Variants in PCSK5 observed in about 807,000 individuals in gnomAD.
PCSK5 encodes prohormone convertase 5.
A neutral mutation model predicts 233.2 loss-of-function variants in PCSK5; 129 were observed. The ratio of observed to expected loss-of-function variants is 0.55; its 90% CI spans 0.48 to 0.64. PCSK5 has a LOEUF of 0.64. PCSK5 is among the 30% of genes least tolerant of loss of function. The pLI, the probability that PCSK5 is intolerant of heterozygous loss-of-function variation, is 0.00. For synonymous variants in PCSK5, 825 were observed against 879.2 expected (o/e 0.94, Z 1.09); for missense variants, 2,076 against 2,430.1 (o/e 0.85, Z 3.06).
At chr9:76,275,935 A>G (rs1827676004) in intron 24 of PCSK5, among the ~76,000 whole-genome samples, 1 of 152,168 alleles carries the variant, frequency 6.6e-6, no homozygotes. Context: ...TTTCTCATCT[A>G]TACTCGTTAC....
chr9:76,263,067 A>T (rs1196779125), intron 24 of PCSK5, among the ~76,000 whole-genome samples: 1 of 152,106 alleles, frequency 6.6e-6, no homozygotes, highest in Non-Finnish European at 1.5e-5. Context: ...GCAAATCAAA[A>T]CCACAATGAG....
intron 9 of PCSK5, among the ~76,000 whole-genome samples, chr9:76,126,034 A>AT: frequency 6.6e-6 from 1 of 152,302 alleles, no homozygotes. Flanking sequence ...GCATCCCAAG[A>AT]TATATAATAG....
intron 20 of PCSK5, among the ~76,000 whole-genome samples, chr9:76,192,023 G>A (rs114043427): frequency 0.012 from 1,634 of 136,778 alleles, 26 homozygotes; most frequent in African/African-American, 0.042. Context: ...AGGTTGCAGA[G>A]AGCAGAGATC....
chr9:76,339,371 T>C (rs898540426), intron 35 of PCSK5, among the ~76,000 whole-genome samples: 5 of 152,182 alleles, frequency 3.3e-5, no homozygotes, highest in African/African-American at 9.6e-5. Flanking sequence ...GTTTAATTTT[T>C]TAAAAATCTT....
At chr9:76,184,811 T>A in intron 17 of PCSK5, 54 bp downstream of exon 17, 1 of 1,059,208 alleles carries the variant, frequency 9.4e-7, no homozygotes, top group Non-Finnish European at 1.4e-6. Flanking sequence ...CTTCTCAATG[T>A]AAATAAAATG....
intron 1 of PCSK5, among the ~76,000 whole-genome samples, chr9:75,895,252 C>A (rs192790591): frequency 6.6e-6 from 1 of 152,284 alleles, no homozygotes; most frequent in African/African-American, 2.4e-5. Context: ...GCCTCTGTTC[C>A]TTCATCTGTA....
At chr9:75,957,728 C>CT (rs1460108120) in intron 2 of PCSK5, among the ~76,000 whole-genome samples, 2 of 152,136 alleles carry the variant, frequency 1.3e-5, no homozygotes, top group African/African-American at 4.8e-5. Flanking sequence ...TGTTACACAT[C>CT]TCATTTTTAA....
chr9:76,213,541 C>T (rs555143484), intron 20 of PCSK5, among the ~76,000 whole-genome samples: 2 of 152,214 alleles, frequency 1.3e-5, no homozygotes, highest in African/African-American at 4.8e-5. Context: ...CTCCCTCACC[C>T]TGGCTTACTG....
intron 3 of PCSK5, among the ~76,000 whole-genome samples, chr9:76,007,399 C>G (rs893724578): frequency 6.6e-6 from 1 of 152,060 alleles, no homozygotes. Context: ...GTCTACTAGT[C>G]TCCATTCATT....
At chr9:76,191,156 A>G (rs1355716631) in intron 20 of PCSK5, among the ~76,000 whole-genome samples, 3 of 152,194 alleles carry the variant, frequency 2.0e-5, no homozygotes, top group Non-Finnish European at 4.4e-5. Flanking sequence ...TGTTTAAACT[A>G]TTTGTTTAAA....
At chr9:75,935,492 G>A (rs1816886800) in intron 2 of PCSK5, among the ~76,000 whole-genome samples, 1 of 152,040 alleles carries the variant, frequency 6.6e-6, no homozygotes, top group African/African-American at 2.4e-5. Flanking sequence ...TTAAAATAAG[G>A]ACATTCTTTT....
At chr9:76,200,207 T>C (rs970761805) in intron 20 of PCSK5, among the ~76,000 whole-genome samples, 2 of 152,220 alleles carry the variant, frequency 1.3e-5, no homozygotes, top group African/African-American at 2.4e-5. Context: ...CTGAACTCCT[T>C]ACCTGAGATC....
At chr9:75,895,694 C>T (rs1825772940) in intron 1 of PCSK5, among the ~76,000 whole-genome samples, 1 of 152,122 alleles carries the variant, frequency 6.6e-6, no homozygotes, top group African/African-American at 2.4e-5. Context: ...GAAAAATAAC[C>T]TGAAAAATTT....
chr9:76,293,802 A>G (rs1490494024), intron 25 of PCSK5, among the ~76,000 whole-genome samples: 1 of 152,276 alleles, frequency 6.6e-6, no homozygotes, highest in African/African-American at 2.4e-5. Context: ...ATGCTCCAAT[A>G]TCACTAAGGG....
chr9:76,198,911 C>T (rs1024684433), intron 20 of PCSK5, among the ~76,000 whole-genome samples: 2 of 152,146 alleles, frequency 1.3e-5, no homozygotes, highest in African/African-American at 4.8e-5. Flanking sequence ...AGGTTCCATG[C>T]CCTTGCACTA....
chr9:76,096,915 CTTTATT>C (rs1262850288), intron 8 of PCSK5, among the ~76,000 whole-genome samples: 2 of 151,234 alleles, frequency 1.3e-5, no homozygotes, highest in Non-Finnish European at 2.9e-5. Context: ...AGGTGCATTT[CTTTATT>C]TTTATTTTTA....
intron 8 of PCSK5, among the ~76,000 whole-genome samples, chr9:76,107,036 G>A (rs1379473797): frequency 6.6e-6 from 1 of 152,170 alleles, no homozygotes; most frequent in East Asian, 1.9e-4. Context: ...GGTTTGAACA[G>A]AAATGGAGTT....
At chr9:75,908,869 TTCTATTTA>T (rs1455376969) in intron 1 of PCSK5, among the ~76,000 whole-genome samples, 95 of 119,988 alleles carry the variant, frequency 7.9e-4, no homozygotes, top group Non-Finnish European at 9.3e-4. Context: ...ATCCTTCTCT[TTCTATTTA>T]TCTATCTATC....
intron 2 of PCSK5, among the ~76,000 whole-genome samples, chr9:75,979,672 C>T (rs1412556643): frequency 6.6e-6 from 1 of 152,208 alleles, no homozygotes; most frequent in Non-Finnish European, 1.5e-5. Flanking sequence ...ACGGCTTTTG[C>T]ATTAGCTGGT....
Sources: allele counts gnomAD v4.1 joint callset (sites outside exome capture counted in the v4.1 genomes callset), GRCh38; gene constraint gnomAD v4.1.1; transcripts MANE v1.5; gene names NCBI Gene and HGNC (gene_info 2026-07-23, HGNC 2026-07-21).